TMC1: variants seen among roughly 807,000 people sequenced by gnomAD.
TMC1 encodes the protein transmembrane channel-like protein 1.
In TMC1, 84 loss-of-function variants were observed where a neutral mutation model predicts 105.8. The ratio of observed to expected loss-of-function variants is 0.79; its 90% CI spans 0.67 to 0.95. The LOEUF (loss-of-function observed/expected upper bound fraction) is 0.95, where lower values mean the gene tolerates loss of function less well. Among genes scored for constraint, TMC1 ranks in the 40% least tolerant of loss-of-function variants. The pLI is 0.00. For missense variants in TMC1, 817 were observed against 914.1 expected (o/e 0.89, Z 1.37); for synonymous variants, 315 against 311.5 (o/e 1.01, Z -0.12).
Position 72,673,488 on chromosome 9 carries a change from C to T in TMC1, c.17-15221C>T, listed in dbSNP as rs547742400. 5.3e-5 allele frequency among the ~76,000 whole-genome samples: 8 copies of T among 152,096 alleles called. No individual in the cohort carries two copies. In the East Asian group the frequency reaches 7.7e-4, roughly 15 times the overall value. Reference sequence around the variant, plus strand: ...TGATTAGGAATTTATCAAGAAGAAACGATTTCCTTTTTTTCATACTGTATA... The same window carrying T: ...TGATTAGGAATTTATCAAGAAGAAATGATTTCCTTTTTTTCATACTGTATA... On this transcript the variant is annotated intron_variant, in intron 5 of 23. Transcript: ENST00000297784.
intron 7 of TMC1, among the ~76,000 whole-genome samples, chr9:72,696,995 T>G (rs1207631767): frequency 2.0e-5 from 3 of 152,192 alleles, no homozygotes; most frequent in Non-Finnish European, 2.9e-5. Flanking sequence ...TTTAATTACC[T>G]TCATATTTGA....
intron 2 of TMC1, among the ~76,000 whole-genome samples, chr9:72,585,015 C>T (rs1824532353): frequency 6.6e-6 from 1 of 151,606 alleles, no homozygotes; most frequent in African/African-American, 2.4e-5. Context: ...AAACTCCTGA[C>T]CTCAAGTGAT....
Position 72,814,311 on chromosome 9 carries a change from G to A in TMC1, c.1696-1832G>A, listed in dbSNP as rs1281294917. On this transcript the variant is annotated intron_variant, in intron 18 of 23. Transcript: ENST00000297784. Reference sequence around the variant, plus strand: ...GGGGAAAAGTGCTGAAGATCATCCAGAGCAGGGCACTCCCCCAGAAGGAAA... The same window carrying A: ...GGGGAAAAGTGCTGAAGATCATCCAAAGCAGGGCACTCCCCCAGAAGGAAA... Among the ~76,000 whole-genome samples the A allele has an allele frequency of 3.9e-5, 6 of 152,172 alleles. No homozygotes were observed. The East Asian group carries it at 1.2e-3, about 29-fold the overall frequency.
intron 23 of TMC1, among the ~76,000 whole-genome samples, chr9:72,832,161 A>G (rs1269480308): frequency 6.6e-6 from 1 of 151,980 alleles, no homozygotes; most frequent in Non-Finnish European, 1.5e-5. Flanking sequence ...TAAGTTGCCC[A>G]GGCTGCTCTC....
At chr9:72,774,460 G>T (rs1192535115) in intron 13 of TMC1, among the ~76,000 whole-genome samples, 1 of 152,104 alleles carries the variant, frequency 6.6e-6, no homozygotes, top group Non-Finnish European at 1.5e-5. Context: ...TATACCAGTC[G>T]CATTTCAATT....
chr9:72,565,281 T>A (rs1191997819), intron 1 of TMC1, among the ~76,000 whole-genome samples: 1 of 152,194 alleles, frequency 6.6e-6, no homozygotes, highest in African/African-American at 2.4e-5. Flanking sequence ...AAACATTGAC[T>A]AAAAATTTAA....
intron 1 of TMC1, among the ~76,000 whole-genome samples, chr9:72,559,227 T>G (rs1824002005): frequency 6.6e-6 from 1 of 152,032 alleles, no homozygotes; most frequent in Non-Finnish European, 1.5e-5. Context: ...CCTGAGTAGC[T>G]GGGATTACAG....
intron 4 of TMC1, among the ~76,000 whole-genome samples, chr9:72,645,079 T>C (rs1825687937): frequency 6.6e-6 from 1 of 152,206 alleles, no homozygotes. Flanking sequence ...TGATATGATG[T>C]TGAAGTCGAA....
At chr9:72,559,521 A>G (rs1564409807) in intron 1 of TMC1, among the ~76,000 whole-genome samples, 1 of 152,190 alleles carries the variant, frequency 6.6e-6, no homozygotes, top group Admixed American at 6.5e-5. Flanking sequence ...CGACCAGGTC[A>G]TATTCTGAGT....
intron 2 of TMC1, among the ~76,000 whole-genome samples, chr9:72,607,308 G>T (rs147753591): frequency 1.3e-5 from 2 of 152,236 alleles, no homozygotes; most frequent in Admixed American, 1.3e-4. Context: ...GGTTGTATTT[G>T]AGCTAAAGCT....
At chr9:72,816,397 G>A (rs1158623231) in intron 19 of TMC1, among the ~76,000 whole-genome samples, 187 bp downstream of exon 19, 3 of 152,162 alleles carry the variant, frequency 2.0e-5, no homozygotes, top group Admixed American at 6.5e-5. Flanking sequence ...CATCAAAGGT[G>A]TCTCTCTGTT....
chr9:72,634,271 C>G (rs1396897143), intron 4 of TMC1, among the ~76,000 whole-genome samples: 1 of 152,132 alleles, frequency 6.6e-6, no homozygotes, highest in Non-Finnish European at 1.5e-5. Context: ...TTAAAAATAT[C>G]TCAGAGACCA....
intron 12 of TMC1, among the ~76,000 whole-genome samples, chr9:72,755,669 A>G (rs1000987372): frequency 4.6e-5 from 7 of 152,188 alleles, no homozygotes; most frequent in African/African-American, 2.4e-5. Flanking sequence ...GTCTGGAAGC[A>G]TATGCGTGGG....
intron 5 of TMC1, among the ~76,000 whole-genome samples, chr9:72,674,003 G>A (rs1050942607): frequency 1.3e-5 from 2 of 151,898 alleles, no homozygotes; most frequent in Non-Finnish European, 2.9e-5. Flanking sequence ...AGAAGCAATC[G>A]GAAATTAAAA....
intron 4 of TMC1, chr9:72,628,415 G>A (rs1825387589): frequency 5.1e-6 from 1 of 196,392 alleles, no homozygotes; most frequent in Non-Finnish European, 1.1e-5. Flanking sequence ...TTAGCTTCAT[G>A]GAAGGCACAC....
At chr9:72,534,038 C>T (rs145536844) in intron 1 of TMC1, among the ~76,000 whole-genome samples, 3 of 152,164 alleles carry the variant, frequency 2.0e-5, no homozygotes, top group Admixed American at 6.5e-5. Context: ...GAGGCTGAGG[C>T]AGGAGAATCG....
intron 3 of TMC1, among the ~76,000 whole-genome samples, chr9:72,620,176 C>G (rs369876426): frequency 6.6e-6 from 1 of 150,576 alleles, no homozygotes; most frequent in East Asian, 2.0e-4. Context: ...AAGTGACATG[C>G]TCAAGTCCAT....
Position 72,634,960 on chromosome 9 carries a change from C to T in TMC1, c.-53+6897C>T, listed in dbSNP as rs145348243. 4.6e-5 allele frequency among the ~76,000 whole-genome samples: 7 copies of T among 152,184 alleles called. No individual in the cohort carries two copies. The East Asian group carries it at 1.2e-3, about 25-fold the overall frequency. ...TGTGTTCAGCAACCTGGAAGCTCTT[C>T]GAAAAATGTTCTTAAGCCAGGTGTG... On this transcript the variant is annotated intron_variant, in intron 4 of 23. Transcript: ENST00000297784.
intron 6 of TMC1, among the ~76,000 whole-genome samples, chr9:72,689,052 A>G (rs1348383191): frequency 2.6e-5 from 4 of 152,176 alleles, no homozygotes; most frequent in Non-Finnish European, 4.4e-5. Context: ...TGTATTCATT[A>G]AAGCCTTAGG....
Sources: allele counts gnomAD v4.1 joint callset (sites outside exome capture counted in the v4.1 genomes callset), GRCh38; gene constraint gnomAD v4.1.1; transcripts MANE v1.5; gene names NCBI Gene and HGNC (gene_info 2026-07-23, HGNC 2026-07-21).